OSBPL9: variants seen among roughly 807,000 people sequenced by gnomAD.
OSBPL9 encodes the protein oxysterol-binding protein-related protein 9.
OSBPL9 carries 40 observed loss-of-function variants against 106.6 expected under a neutral mutation model. The observed-to-expected ratio is 0.38, with a 90% CI of 0.29 to 0.49. The LOEUF is 0.49. OSBPL9 is among the 20% of genes least tolerant of loss of function. The pLI, the probability that OSBPL9 is intolerant of heterozygous loss-of-function variation, is 0.97. For synonymous variants in OSBPL9, 269 were observed against 295.4 expected (o/e 0.91, Z 0.92); for missense variants, 609 against 887.2 (o/e 0.69, Z 3.98).
chr1:51,712,790 C>T (rs544503821), intron 3 of OSBPL9, among the ~76,000 whole-genome samples: 2 of 152,138 alleles, frequency 1.3e-5, no homozygotes, highest in African/African-American at 4.8e-5. Context: ...GTTATCTTTG[C>T]TTATGTGCTA....
the OSBPL9 span, among the ~76,000 whole-genome samples, chr1:51,523,030 G>A: frequency 1.3e-5 from 2 of 152,022 alleles, no homozygotes; most frequent in East Asian, 3.9e-4. Flanking sequence ...GCCGAGGCAG[G>A]AGGATTGCAT....
intron 4 of OSBPL9, among the ~76,000 whole-genome samples, chr1:51,717,936 A>G (rs921938560): frequency 4.6e-5 from 7 of 152,226 alleles, no homozygotes; most frequent in African/African-American, 1.7e-4. Flanking sequence ...ACTATTCACA[A>G]TAGCCAAGAT....
chr1:51,611,860 A>C (rs949879396), intron 2 of OSBPL9, among the ~76,000 whole-genome samples: 1 of 152,196 alleles, frequency 6.6e-6, no homozygotes, highest in Admixed American at 6.5e-5. Context: ...CTGTAGTCCC[A>C]GCTACTCAGG....
the OSBPL9 span, chr1:51,565,541 A>G: frequency 6.6e-6 from 1 of 152,202 alleles, no homozygotes; most frequent in African/African-American, 2.4e-5. Context: ...TGTATTTTTT[A>G]TTAGCTCATT....
At chr1:51,607,161 T>TC (rs1330187960) in intron 2 of OSBPL9, among the ~76,000 whole-genome samples, 132 of 150,340 alleles carry the variant, frequency 8.8e-4, no homozygotes, top group African/African-American at 3.2e-3. Flanking sequence ...TTCTTTTCTT[T>TC]TTCTTTTTTT....
At chr1:51,647,385 G>A (rs1431180821) in intron 1 of OSBPL9, among the ~76,000 whole-genome samples, 1 of 151,912 alleles carries the variant, frequency 6.6e-6, no homozygotes, top group African/African-American at 2.4e-5. Context: ...TTTTACGTAC[G>A]ATTTTTTTTC....
intron 1 of OSBPL9, among the ~76,000 whole-genome samples, chr1:51,588,192 G>A (rs879922753): frequency 7.9e-5 from 12 of 152,170 alleles, no homozygotes; most frequent in Admixed American, 7.2e-4. Flanking sequence ...AGACCAGCCT[G>A]ACCAACATGG....
intron 2 of OSBPL9, among the ~76,000 whole-genome samples, chr1:51,662,093 TGAA>T (rs1389115427): frequency 1.3e-5 from 2 of 152,030 alleles, no homozygotes; most frequent in Non-Finnish European, 2.9e-5. Context: ...TGTGTGAAGG[TGAA>T]GAAGAACCAT....
intron 1 of OSBPL9, among the ~76,000 whole-genome samples, chr1:51,579,842 G>A (rs1421717378): frequency 8.1e-6 from 1 of 123,322 alleles, no homozygotes; most frequent in Non-Finnish European, 1.7e-5. Context: ...GCGACAGAGT[G>A]AGACTCTGTC....
chr1:51,786,464 G>A, intron 21 of OSBPL9, 62 bp from the exon 22 acceptor site: 1 of 1,082,166 alleles, frequency 9.2e-7, no homozygotes, highest in South Asian at 1.3e-5. Flanking sequence ...GCACTACAAT[G>A]CATCTAACAT....
At chr1:51,533,994 C>A in the OSBPL9 span, among the ~76,000 whole-genome samples, 3 of 151,706 alleles carry the variant, frequency 2.0e-5, no homozygotes, top group African/African-American at 7.3e-5. Context: ...ATCATGAGGT[C>A]AGGAGTTCGA....
rs1331254623 is a variant in OSBPL9 at position 51,599,043 on chromosome 1, T to C, written c.-353+850T>C. On this transcript the variant is annotated intron_variant, in intron 2 of 25. Coordinates refer to the OSBPL9 transcript ENST00000371714. ...ATGATGAACATTAGAACATTAGGAA[T>C]GCTCCTTTAATACTAGCAACTTAGC... Among the ~76,000 whole-genome samples the C allele has an allele frequency of 2.7e-5, 4 of 150,144 alleles. No homozygotes were observed. In the East Asian group the frequency reaches 5.9e-4, roughly 22 times the overall value.
At chr1:51,756,806 T>C (rs1670436244) in intron 9 of OSBPL9, 1 of 157,046 alleles carries the variant, frequency 6.4e-6, no homozygotes, top group Non-Finnish European at 1.4e-5. Context: ...TAACCATCAT[T>C]GTTAATGTGG....
At chr1:51,627,359 A>C (rs892978426) in intron 1 of OSBPL9, among the ~76,000 whole-genome samples, 1 of 151,898 alleles carries the variant, frequency 6.6e-6, no homozygotes, top group African/African-American at 2.4e-5. Context: ...TTGCATGTGG[A>C]TATCCAGTTG....
chr1:51,710,129 G>A (rs1659496590), intron 3 of OSBPL9, among the ~76,000 whole-genome samples: 1 of 152,198 alleles, frequency 6.6e-6, no homozygotes, highest in South Asian at 2.1e-4. Flanking sequence ...TTTGGCACCT[G>A]ATTCCATGTA....
At chr1:51,540,206 T>A in the OSBPL9 span, among the ~76,000 whole-genome samples, 4 of 152,130 alleles carry the variant, frequency 2.6e-5, no homozygotes, top group Admixed American at 6.5e-5. Flanking sequence ...TTGCTTTTTT[T>A]AATTATTATT....
chr1:51,705,854 A>G (rs1658434265), intron 3 of OSBPL9, among the ~76,000 whole-genome samples: 1 of 152,144 alleles, frequency 6.6e-6, no homozygotes, highest in Admixed American at 6.5e-5. Flanking sequence ...CTTGGACATG[A>G]TCTATTAATT....
chr1:51,638,076 C>T (rs1645565670), intron 1 of OSBPL9, among the ~76,000 whole-genome samples: 1 of 152,082 alleles, frequency 6.6e-6, no homozygotes, highest in Non-Finnish European at 1.5e-5. Context: ...TGTCTCTTTT[C>T]TTTAAGGGAA....
At chr1:51,731,160 G>A (rs1664302444) in intron 4 of OSBPL9, among the ~76,000 whole-genome samples, 1 of 152,044 alleles carries the variant, frequency 6.6e-6, no homozygotes, top group Non-Finnish European at 1.5e-5. Context: ...ATTTGGGCCA[G>A]TCGTGGTGGC....
Sources: allele counts gnomAD v4.1 joint callset (sites outside exome capture counted in the v4.1 genomes callset), GRCh38; gene constraint gnomAD v4.1.1; transcripts MANE v1.5; gene names NCBI Gene and HGNC (gene_info 2026-07-23, HGNC 2026-07-21).